Variants in SEMA7A observed in about 807,000 individuals in gnomAD.
The protein encoded by SEMA7A is semaphorin-7A.
Under a neutral mutation model 67.5 loss-of-function variants are expected in SEMA7A, and 21 were observed. The ratio of observed to expected loss-of-function variants is 0.31; its 90% CI spans 0.22 to 0.45. The LOEUF is 0.45. SEMA7A is among the 20% of genes least tolerant of loss of function. The pLI is 1.00. For missense variants in SEMA7A, 774 were observed against 908.6 expected (o/e 0.85, Z 1.90); for synonymous variants, 364 against 368.5 (o/e 0.99, Z 0.14).
In SEMA7A at chr15:74,418,419, T is replaced by A. The variant is rs546013630; in HGVS notation, c.331-110A>T. On this transcript the variant is annotated intron_variant, in intron 2 of 13. Transcript: ENST00000261918. ...CCAAAGGAAGCAACCATTATTCTCA[T>A]CTGACAGATGAGCAACTGGGGCTCT... The A allele has an allele frequency of 3.9e-5, 42 of 1,078,140 alleles. No homozygotes were observed. The South Asian group carries it at 5.7e-4, about 15-fold the overall frequency. 66.8% of individuals were successfully genotyped at this position (1,078,140 alleles called of 1,614,324 possible).
Position 74,410,909 on chromosome 15 carries a change from G to A in SEMA7A, c.1716C>T (p.His572=), listed in dbSNP as rs199507109. The part of the protein sequence containing the change: ...YYLSCPMESR[H]ATYSWRHKEN... Reference sequence around the variant, plus strand: ...CCTTGTGGCGCCATGAGTAGGTGGCGTGGCGGGATTCCATGGGGCAGCTCA... The same window carrying A: ...CCTTGTGGCGCCATGAGTAGGTGGCATGGCGGGATTCCATGGGGCAGCTCA... The change falls in exon 14 of 14, where the codon CAC becomes CAT. Residue 572 remains histidine, a synonymous_variant. Coordinates refer to ENST00000261918, the MANE Select transcript of SEMA7A (RefSeq NM_003612.5). This position sits in a 1 kb window ranked among gnomAD's most constrained non-coding sequence, Gnocchi z 7.5. 60 of 1,614,184 alleles carry A rather than the reference G, an allele frequency of 3.7e-5. No individual in the cohort carries two copies. The East Asian group carries it at 9.1e-4, about 25-fold the overall frequency.
intron 2 of SEMA7A, 29 bp downstream of exon 2, chr15:74,418,772 G>A (rs988923323): frequency 1.9e-6 from 3 of 1,608,958 alleles, no homozygotes; most frequent in African/African-American, 2.7e-5. Context: ...AGAGGGTAGG[G>A]GGGGTGTTGG....
chr15:74,433,797 G>A lies in SEMA7A; in HGVS notation c.122C>T (p.Ala41Val). 1.4e-6 allele frequency: 2 copies of A among 1,429,568 alleles called. No individual in the cohort carries two copies. The highest frequency in any genetic ancestry group is 9.1e-7 in the Non-Finnish European group (1 of 1,094,990). The allele number at this position is 1,429,568 out of a possible 1,614,324, so 88.6% of individuals were successfully genotyped here. Residue 41 changes from alanine to valine, a missense_variant, in exon 1 of 14, where the codon GCC (alanine) becomes GTC (valine). Coordinates refer to ENST00000261918, the MANE Select transcript of SEMA7A (RefSeq NM_003612.5). Reference protein sequence around the residue: ...LRLLLLLWAAAASAQGHLRSG... With the variant: ...LRLLLLLWAAVASAQGHLRSG... Reference sequence around the variant, plus strand: ...CCTTAGGTGGCCCTGGGCGGAGGCGGCGGCCGCCCAGAGCAGCAGCAGCAG... The same window carrying A: ...CCTTAGGTGGCCCTGGGCGGAGGCGACGGCCGCCCAGAGCAGCAGCAGCAG...
intron 1 of SEMA7A, chr15:74,433,524 C>T (rs2061111178): frequency 8.3e-7 from 1 of 1,199,730 alleles, no homozygotes; most frequent in Admixed American, 4.4e-5. Context: ...CCGGCCCCCG[C>T]CGCTCGCTCG....
chr15:74,414,975 G>C lies in SEMA7A; in HGVS notation c.987-29C>G, dbSNP rs980888038. On this transcript the variant is annotated intron_variant, in intron 8 of 13. Coordinates refer to ENST00000261918, the MANE Select transcript of SEMA7A (RefSeq NM_003612.5). This position sits in a 1 kb window ranked among gnomAD's most constrained non-coding sequence, Gnocchi z 4.1. ...CAGTGACATGGAGACCAGCTCAATG[G>C]GGGGCCCAGAACCCACCCATCCACC... 4.4e-6 allele frequency: 7 copies of C among 1,593,914 alleles called. No homozygotes were observed. In the African/African-American group the frequency reaches 6.7e-5, roughly 15 times the overall value.
At chr15:74,433,219 G>GGGGGC (rs2061106049) in intron 1 of SEMA7A, among the ~76,000 whole-genome samples, 2 of 151,072 alleles carry the variant, frequency 1.3e-5, no homozygotes, top group South Asian at 4.2e-4. Flanking sequence ...GGGCCGGGGC[G>GGGGGC]GGGGCGGGGG....
At chr15:74,433,708 C>G in intron 1 of SEMA7A, 33 bp downstream of exon 1, 1 of 1,405,216 alleles carries the variant, frequency 7.1e-7, no homozygotes, top group Admixed American at 3.3e-5. Context: ...AGCGTCTGAT[C>G]CCGCGCCTGA....
chr15:74,419,139 C>T (rs1327637754), intron 1 of SEMA7A, among the ~76,000 whole-genome samples, 187 bp from the exon 2 acceptor site: 1 of 152,196 alleles, frequency 6.6e-6, no homozygotes, highest in Non-Finnish European at 1.5e-5. Flanking sequence ...AAGAGATCCT[C>T]CGGTGGGCTC....
intron 1 of SEMA7A, among the ~76,000 whole-genome samples, chr15:74,425,259 G>T (rs904604419): frequency 3.3e-5 from 5 of 152,206 alleles, no homozygotes; most frequent in Admixed American, 6.5e-5. Context: ...TATTCCAAAT[G>T]ATTTTTAGAT....
intron 1 of SEMA7A, among the ~76,000 whole-genome samples, chr15:74,424,442 A>G (rs980851282): frequency 1.3e-5 from 2 of 152,214 alleles, no homozygotes; most frequent in African/African-American, 4.8e-5. Flanking sequence ...AGAAACTGAC[A>G]TTCTCATCTG....
At chr15:74,433,490 A>G in intron 1 of SEMA7A, 4 of 1,082,418 alleles carry the variant, frequency 3.7e-6, no homozygotes, top group Non-Finnish European at 4.6e-6. Context: ...GCTGCCAGGG[A>G]CTTGGTGCGA....
intron 1 of SEMA7A, among the ~76,000 whole-genome samples, chr15:74,419,184 C>T (rs2060978573): frequency 1.3e-5 from 2 of 152,208 alleles, no homozygotes; most frequent in African/African-American, 2.4e-5. Flanking sequence ...AGCACGGCCC[C>T]TCCCCTAGTG....
intron 1 of SEMA7A, among the ~76,000 whole-genome samples, chr15:74,433,082 G>A (rs1053850431): frequency 6.6e-5 from 10 of 152,268 alleles, no homozygotes; most frequent in Admixed American, 1.3e-4. Flanking sequence ...ACTGCCACGT[G>A]CGGGCAAGGG....
At position 74,414,422 on chromosome 15, in the gene SEMA7A, A is replaced by T. The variant is rs1390683316; in HGVS notation, c.1294+125T>A. The T allele has an allele frequency of 1.9e-6, 2 of 1,032,098 alleles. No homozygotes were observed. Among genetic ancestry groups the T allele is most frequent in the Non-Finnish European group, 3.0e-6 (2 of 676,974 alleles). 63.9% of individuals were successfully genotyped at this position (1,032,098 alleles called of 1,614,324 possible). On this transcript the variant is annotated intron_variant, in intron 10 of 13. Transcript: ENST00000261918. This position sits in a 1 kb window ranked among gnomAD's most constrained non-coding sequence, Gnocchi z 4.1. Reference sequence around the variant, plus strand: ...ACACCCACACACATTAACCCCTGACAACTCCAGTCACTCAATTATTCCTTC... The same window carrying T: ...ACACCCACACACATTAACCCCTGACTACTCCAGTCACTCAATTATTCCTTC...
chr15:74,433,736 C>T lies in SEMA7A; in HGVS notation c.178+5G>A, dbSNP rs2061114908. 1 of 1,435,314 alleles carries T rather than the reference C, an allele frequency of 7.0e-7. No homozygotes were observed. Among genetic ancestry groups the T allele is most frequent in the Middle Eastern group, 2.4e-4 (1 of 4,198 alleles). The allele number at this position is 1,435,314 out of a possible 1,614,324, so 88.9% of individuals were successfully genotyped here. ...GCGCCTGACCGGCCGCGCGGCGCCG[C>T]CTACCTTTCCAGACGGCGAAGATGC... On this transcript the variant is annotated splice_donor_5th_base_variant and intron_variant, in intron 1 of 13. Transcript: ENST00000261918.
intron 1 of SEMA7A, 99 bp from the exon 2 acceptor site, chr15:74,419,051 TCAGGGTCCTGG>T: frequency 1.4e-6 from 2 of 1,386,712 alleles, no homozygotes; most frequent in South Asian, 1.3e-5. Flanking sequence ...TGCTTGGTGC[TCAGGGTCCTGG>T]CAGGGCGTCA....
At chr15:74,430,500 G>C (rs1449088373) in intron 1 of SEMA7A, among the ~76,000 whole-genome samples, 2 of 152,162 alleles carry the variant, frequency 1.3e-5, no homozygotes, top group African/African-American at 4.8e-5. Context: ...GCCTGAACCA[G>C]GCTCCCGACC....
rs59797898 is a variant in SEMA7A, at chr15:74,423,739, T to C, written c.179-4787A>G. 0.058 allele frequency among the ~76,000 whole-genome samples: 8,841 copies of C among 152,118 alleles called. 826 individuals carry two copies. Among genetic ancestry groups the C allele is most frequent in the Admixed American group, 0.25 (3,758 of 15,288 alleles). On this transcript the variant is annotated intron_variant, in intron 1 of 13. Coordinates refer to ENST00000261918, the MANE Select transcript of SEMA7A (RefSeq NM_003612.5). This position sits in a 1 kb window ranked among gnomAD's most constrained non-coding sequence, Gnocchi z 4.1. Reference sequence around the variant, plus strand: ...GAGTGACTAATGGTGGAAGTGTAGGTGCCGTGCATGTCAGAGTGGTAGAGG... The same window carrying C: ...GAGTGACTAATGGTGGAAGTGTAGGCGCCGTGCATGTCAGAGTGGTAGAGG...
intron 1 of SEMA7A, chr15:74,433,516 G>C (rs1160680718): frequency 1.7e-6 from 2 of 1,182,932 alleles, no homozygotes; most frequent in African/African-American, 3.2e-5. Flanking sequence ...CCGGGGCTCC[G>C]GCCCCCGCCG....
Sources: gnomAD v4.1 joint callset for allele counts (sites outside exome capture counted in the v4.1 genomes callset) on GRCh38, gnomAD v4.1.1 for gene constraint, Gnocchi (gnomAD v3.1) non-coding constraint, MANE v1.5 for transcripts, NCBI Gene and HGNC (gene_info 2026-07-23, HGNC 2026-07-21) for gene names.